TRAM1: variants seen among roughly 807,000 people sequenced by gnomAD.
TRAM1 encodes the protein translocation associated membrane protein 1.
TRAM1 carries 17 observed loss-of-function variants against 48.7 expected under a neutral mutation model. That is an observed-to-expected ratio of 0.35 (90% confidence interval 0.24 to 0.52). TRAM1 has a LOEUF of 0.52. Ranked by LOEUF, TRAM1 falls within the 20% of genes least tolerant of loss-of-function variation. The probability of loss-of-function intolerance (pLI) is 0.94; values close to 1 mark genes in which losing one functional copy is unlikely to be tolerated. For missense variants in TRAM1, 351 were observed against 441.5 expected (o/e 0.79, Z 1.84); for synonymous variants, 182 against 154.0 (o/e 1.18, Z -1.34).
chr8:70,587,385 TAGA>T, intron 6 of TRAM1: 1 of 514,096 alleles, frequency 1.9e-6, no homozygotes, highest in Non-Finnish European at 3.4e-6. Flanking sequence ...GTGAAAAATG[TAGA>T]AGTAGGAGAT....
intron 6 of TRAM1, chr8:70,587,454 T>C (rs1195409123): frequency 3.2e-6 from 1 of 309,916 alleles, no homozygotes; most frequent in African/African-American, 2.1e-5. Context: ...ATTAGGTATA[T>C]AGCATTAGCA....
At chr8:70,585,812 T>TA (rs1173182442) in intron 8 of TRAM1, among the ~76,000 whole-genome samples, 3 of 106,240 alleles carry the variant, frequency 2.8e-5, no homozygotes, top group Non-Finnish European at 6.6e-5. Flanking sequence ...GGAACACTTT[T>TA]ACACTGTTGC....
At position 70,598,027 on chromosome 8, in the gene TRAM1, GCCATTA is replaced by G; in HGVS notation, c.310-22_310-17del. 1 of 1,555,172 alleles carries G rather than the reference GCCATTA, an allele frequency of 6.4e-7. No homozygotes were observed. The highest frequency in any genetic ancestry group is 8.7e-7 in the Non-Finnish European group (1 of 1,147,482). On this transcript the variant is annotated splice_polypyrimidine_tract_variant and intron_variant, in intron 3 of 10. Coordinates refer to ENST00000262213, the MANE Select transcript of TRAM1 (RefSeq NM_014294.6). ...TGTTAATTTTCTAAAAATAAAAACA[GCCATTA>G]GTAATTAAGAATAAATTATAAATTA...
intron 2 of TRAM1, among the ~76,000 whole-genome samples, chr8:70,599,818 G>C (rs1297089322): frequency 6.6e-6 from 1 of 152,150 alleles, no homozygotes; most frequent in African/African-American, 2.4e-5. Flanking sequence ...AAAATATATA[G>C]TAAACAGAAA....
intron 10 of TRAM1, among the ~76,000 whole-genome samples, chr8:70,578,464 A>G (rs1448475174): frequency 6.6e-6 from 1 of 152,170 alleles, no homozygotes; most frequent in Non-Finnish European, 1.5e-5. Flanking sequence ...GTGAAATCCC[A>G]TCTCTACAAA....
rs1409561676 is a variant in TRAM1 at position 70,608,392 on chromosome 8, G to C, written c.-193C>G. On this transcript the variant is annotated 5_prime_UTR_variant, in exon 1 of 11. Transcript: ENST00000262213. ...CCGGGGGAAAAAAAAAAACACAACA[G>C]CTAGCCCGCAGCGGGGGCGAGCATG... The C allele has an allele frequency of 1.0e-5, 5 of 478,520 alleles. No individual in the cohort carries two copies. Among genetic ancestry groups the C allele is most frequent in the Non-Finnish European group, 1.4e-5 (4 of 296,046 alleles). 29.6% of individuals were successfully genotyped at this position (478,520 alleles called of 1,614,324 possible).
At chr8:70,582,235 G>C (rs1817091008) in intron 10 of TRAM1, among the ~76,000 whole-genome samples, 1 of 151,354 alleles carries the variant, frequency 6.6e-6, no homozygotes, top group Non-Finnish European at 1.5e-5. Flanking sequence ...CAGATTTGAT[G>C]TTATTTCAAC....
At chr8:70,595,021 A>G (rs952314311) in intron 5 of TRAM1, among the ~76,000 whole-genome samples, 7 of 144,472 alleles carry the variant, frequency 4.8e-5, no homozygotes, top group Non-Finnish European at 7.5e-5. Context: ...GAATAATCCC[A>G]ATTTCAAATA....
chr8:70,598,353 T>C, intron 2 of TRAM1, 98 bp from the exon 3 acceptor site: 2 of 1,266,962 alleles, frequency 1.6e-6, no homozygotes, highest in Non-Finnish European at 2.1e-6. Flanking sequence ...AAGAATAACC[T>C]AATAAAAAAG....
intron 10 of TRAM1, among the ~76,000 whole-genome samples, chr8:70,578,489 G>C (rs967144817): frequency 6.6e-6 from 1 of 152,186 alleles, no homozygotes; most frequent in African/African-American, 2.4e-5. Flanking sequence ...ACAAAAAGTA[G>C]TGGCATGGTG....
intron 1 of TRAM1, among the ~76,000 whole-genome samples, chr8:70,601,491 T>C (rs981112518): frequency 6.6e-6 from 1 of 152,220 alleles, no homozygotes; most frequent in African/African-American, 2.4e-5. Context: ...TTGATTATAT[T>C]AATAATTTCT....
At chr8:70,578,211 G>C (rs7015016) in intron 10 of TRAM1, among the ~76,000 whole-genome samples, 1 of 152,314 alleles carries the variant, frequency 6.6e-6, no homozygotes, top group South Asian at 2.1e-4. Context: ...TCAGGATCAA[G>C]GGATCCTCCC....
At chr8:70,576,086 A>AACCACAC (rs1251090773) in intron 10 of TRAM1, among the ~76,000 whole-genome samples, 2 of 136,864 alleles carry the variant, frequency 1.5e-5, no homozygotes, top group African/African-American at 5.1e-5. Context: ...AAAAGAAAAA[A>AACCACAC]AAAAAAAAAC....
At position 70,604,819 on chromosome 8, in the gene TRAM1, C is replaced by T. The variant is rs115811518; in HGVS notation, c.123+3258G>A. On this transcript the variant is annotated intron_variant, in intron 1 of 10. Coordinates refer to ENST00000262213, the MANE Select transcript of TRAM1 (RefSeq NM_014294.6). Reference sequence around the variant, plus strand: ...CTTTATACACTCCTTAAAAGAAATACTTCTCTTGTGAACCCCTAATTCTTC... The same window carrying T: ...CTTTATACACTCCTTAAAAGAAATATTTCTCTTGTGAACCCCTAATTCTTC... Among the ~76,000 whole-genome samples, 1,384 of 152,206 alleles carry T rather than the reference C, an allele frequency of 9.1e-3. 26 individuals are homozygous for T. Among genetic ancestry groups the T allele is most frequent in the African/African-American group, 0.032 (1,336 of 41,528 alleles).
chr8:70,600,462 C>T (rs1817584189), intron 1 of TRAM1, among the ~76,000 whole-genome samples: 1 of 152,146 alleles, frequency 6.6e-6, no homozygotes, highest in Admixed American at 6.5e-5. Flanking sequence ...GCACAGTTAG[C>T]ATGAGAAAAG....
intron 10 of TRAM1, among the ~76,000 whole-genome samples, chr8:70,582,456 G>C (rs1374115194): frequency 1.4e-5 from 2 of 146,870 alleles, no homozygotes; most frequent in East Asian, 4.0e-4. Context: ...ACTGCACCTA[G>C]ATCAAGTTGT....
intron 6 of TRAM1, among the ~76,000 whole-genome samples, chr8:70,590,202 A>AT (rs565882371): frequency 1.9e-3 from 277 of 145,522 alleles, no homozygotes; most frequent in Non-Finnish European, 2.3e-3. Context: ...ACTTAGGAGG[A>AT]TTTTTTTTTT....
chr8:70,583,094 A>C, intron 10 of TRAM1, 70 bp downstream of exon 10: 1 of 1,517,372 alleles, frequency 6.6e-7, no homozygotes, highest in Non-Finnish European at 8.9e-7. Flanking sequence ...ACTAATAAAT[A>C]AGATCCAACA....
At chr8:70,604,999 C>T (rs1817689873) in intron 1 of TRAM1, among the ~76,000 whole-genome samples, 1 of 152,074 alleles carries the variant, frequency 6.6e-6, no homozygotes, top group Admixed American at 6.6e-5. Context: ...AACTATGATT[C>T]CAAAATTTAC....
Sources: allele counts gnomAD v4.1 joint callset (sites outside exome capture counted in the v4.1 genomes callset), GRCh38; gene constraint gnomAD v4.1.1; transcripts MANE v1.5; gene names NCBI Gene and HGNC (gene_info 2026-07-23, HGNC 2026-07-21).